Variants in ACYP2 observed in about 807,000 individuals in gnomAD.
ACYP2 encodes the protein acylphosphatase-2.
Under a neutral mutation model 11.2 loss-of-function variants are expected in ACYP2, and 12 were observed. That is an observed-to-expected ratio of 1.08 (90% CI 0.69 to 1.74). The LOEUF is 1.74. ACYP2 is among the 40% of genes most tolerant of loss of function. The pLI, the probability that ACYP2 is intolerant of heterozygous loss-of-function variation, is 0.00. For missense variants in ACYP2, 134 were observed against 101.9 expected (o/e 1.31, Z -1.35); for synonymous variants, 43 against 32.2 (o/e 1.33, Z -1.13).
intron 6 of ACYP2, among the ~76,000 whole-genome samples, chr2:54,282,022 C>T (rs1388407971): frequency 6.6e-6 from 1 of 152,072 alleles, no homozygotes; most frequent in Non-Finnish European, 1.5e-5. Flanking sequence ...CACAAAGGAG[C>T]CAAAGTGACT....
chr2:54,268,856 A>G (rs921963508), intron 6 of ACYP2, among the ~76,000 whole-genome samples: 4 of 152,094 alleles, frequency 2.6e-5, no homozygotes, highest in African/African-American at 9.7e-5. Context: ...CTTAATAGTT[A>G]AAAATTTGAA....
At chr2:54,221,221 A>T (rs1380941944) in intron 6 of ACYP2, among the ~76,000 whole-genome samples, 1 of 152,192 alleles carries the variant, frequency 6.6e-6, no homozygotes, top group Non-Finnish European at 1.5e-5. Context: ...GATCAGTCAA[A>T]CTGTAGTCAA....
intron 4 of ACYP2, among the ~76,000 whole-genome samples, chr2:54,121,102 A>G (rs983931241): frequency 2.6e-5 from 4 of 152,156 alleles, no homozygotes; most frequent in African/African-American, 4.8e-5. Flanking sequence ...CTCTTGTCCC[A>G]TGACCAAGAG....
intron 2 of ACYP2, among the ~76,000 whole-genome samples, chr2:54,005,464 C>T (rs1259885215): frequency 6.6e-6 from 1 of 152,076 alleles, no homozygotes; most frequent in African/African-American, 2.4e-5. Flanking sequence ...CTGTGCCTCC[C>T]AAGTAGTTGG....
intron 4 of ACYP2, among the ~76,000 whole-genome samples, chr2:54,126,935 CAA>C (rs1323240866): frequency 7.7e-6 from 1 of 129,734 alleles, no homozygotes; most frequent in African/African-American, 2.9e-5. Context: ...GCCTGGGTGA[CAA>C]GAGCGAAACT....
intron 2 of ACYP2, among the ~76,000 whole-genome samples, chr2:54,004,894 C>CAAAAAAAAAAAAAA (rs754230632): frequency 3.1e-5 from 1 of 31,928 alleles, no homozygotes; most frequent in Non-Finnish European, 6.6e-5. Flanking sequence ...GACTCTGTCT[C>CAAAAAAAAAAAAAA]AAAAAAAAAA....
intron 6 of ACYP2, among the ~76,000 whole-genome samples, chr2:54,252,302 TC>T (rs1687264196): frequency 6.6e-6 from 1 of 152,218 alleles, no homozygotes; most frequent in African/African-American, 2.4e-5. Flanking sequence ...GGTTTTTTTT[TC>T]CACTATTGAT....
intron 6 of ACYP2, among the ~76,000 whole-genome samples, chr2:54,251,509 G>T (rs550317226): frequency 6.6e-6 from 1 of 152,236 alleles, no homozygotes; most frequent in Non-Finnish European, 1.5e-5. Flanking sequence ...CCAGCACCCA[G>T]ATCAAGACAC....
At chr2:54,169,120 T>TC (rs1262815765) in intron 6 of ACYP2, among the ~76,000 whole-genome samples, 1 of 152,300 alleles carries the variant, frequency 6.6e-6, no homozygotes, top group South Asian at 2.1e-4. Context: ...CTTACCTTTT[T>TC]CCCCACAGAA....
chr2:54,268,639 CAAAAA>C (rs34122735), intron 6 of ACYP2, among the ~76,000 whole-genome samples: 2 of 81,296 alleles, frequency 2.5e-5, no homozygotes, highest in Non-Finnish European at 5.1e-5. Context: ...CAGTCTCTAC[CAAAAA>C]AAAAAAAAAA....
At chr2:54,300,659 T>G (rs185645380) in intron 6 of ACYP2, among the ~76,000 whole-genome samples, 1 of 152,186 alleles carries the variant, frequency 6.6e-6, no homozygotes, top group South Asian at 2.1e-4. Context: ...GTGACAGCAC[T>G]CCCTAATTAA....
chr2:54,046,791 T>G lies in ACYP2; in HGVS notation c.63-4167T>G, dbSNP rs544881400. On this transcript the variant is annotated intron_variant, in intron 2 of 6. Transcript: ENST00000607452. ...CTTGAAATTATTAATAATTTTTGAA[T>G]AAGGGGGCAACACACTTTCATTTTG... Among the ~76,000 whole-genome samples, 11 of 152,310 alleles carry G rather than the reference T, an allele frequency of 7.2e-5. No individual in the cohort carries two copies. The South Asian group carries it at 2.3e-3, about 32-fold the overall frequency.
intron 4 of ACYP2, among the ~76,000 whole-genome samples, chr2:54,117,500 C>T (rs1679877976): frequency 6.6e-6 from 1 of 152,064 alleles, no homozygotes; most frequent in African/African-American, 2.4e-5. Flanking sequence ...TCTCTGTTGC[C>T]CAGGCAAGTC....
chr2:54,272,652 G>A (rs1192282831), intron 6 of ACYP2, among the ~76,000 whole-genome samples: 4 of 152,204 alleles, frequency 2.6e-5, no homozygotes, highest in South Asian at 2.1e-4. Context: ...AGTCAGATAA[G>A]ATGATCCAAT....
chr2:54,114,552 C>T (rs1190704717), intron 4 of ACYP2, among the ~76,000 whole-genome samples: 3 of 152,072 alleles, frequency 2.0e-5, no homozygotes, highest in African/African-American at 4.8e-5. Flanking sequence ...GGTGAGGTGG[C>T]GCATGCCTGT....
At chr2:54,211,815 T>G (rs1164805335) in intron 6 of ACYP2, among the ~76,000 whole-genome samples, 1 of 152,216 alleles carries the variant, frequency 6.6e-6, no homozygotes, top group Non-Finnish European at 1.5e-5. Flanking sequence ...CATCTTTAAT[T>G]GACCAGCAGG....
At chr2:54,162,678 T>C (rs1445140355) in intron 6 of ACYP2, among the ~76,000 whole-genome samples, 1 of 152,184 alleles carries the variant, frequency 6.6e-6, no homozygotes, top group South Asian at 2.1e-4. Flanking sequence ...AATTTCCTCC[T>C]GTACAGGCCA....
At chr2:54,007,138 C>CAAAAAA (rs70944145) in intron 2 of ACYP2, among the ~76,000 whole-genome samples, 31 of 52,192 alleles carry the variant, frequency 5.9e-4, no homozygotes, top group African/African-American at 1.3e-3. Context: ...GACTCTGTGT[C>CAAAAAA]AAAAAAAAAA....
At chr2:54,217,397 T>C (rs1685602912) in intron 6 of ACYP2, among the ~76,000 whole-genome samples, 2 of 152,136 alleles carry the variant, frequency 1.3e-5, no homozygotes, top group South Asian at 2.1e-4. Context: ...GACAGGGTCT[T>C]GCTCTGTCAC....
Sources: gnomAD v4.1 joint callset for allele counts (sites outside exome capture counted in the v4.1 genomes callset) on GRCh38, gnomAD v4.1.1 for gene constraint, MANE v1.5 for transcripts, NCBI Gene and HGNC (gene_info 2026-07-23, HGNC 2026-07-21) for gene names.